The following RB1 variants were observed in gnomAD, a reference collection of about 807,000 sequenced individuals.
RB1 encodes the protein RB transcriptional corepressor 1.
RB1 carries 18 observed loss-of-function variants against 135.4 expected under a neutral mutation model. The ratio of observed to expected loss-of-function variants is 0.13; its 90% CI spans 0.09 to 0.20. The LOEUF (loss-of-function observed/expected upper bound fraction) is 0.20. Among genes scored for constraint, RB1 ranks in the 10% least tolerant of loss-of-function variants. The pLI is 1.00. For missense variants in RB1, 868 were observed against 1,110.0 expected (o/e 0.78, Z 3.10); for synonymous variants, 365 against 373.2 (o/e 0.98, Z 0.25).
intron 23 of RB1, among the ~76,000 whole-genome samples, chr13:48,465,598 C>A (rs1488430223): frequency 2.0e-5 from 3 of 152,070 alleles, no homozygotes; most frequent in African/African-American, 7.2e-5. Context: ...CAGCTCCCAG[C>A]GTGAGCGACG....
At chr13:48,392,039 G>A (rs1011469873) in intron 17 of RB1, among the ~76,000 whole-genome samples, 9 of 152,120 alleles carry the variant, frequency 5.9e-5, no homozygotes, top group Non-Finnish European at 1.3e-4. Flanking sequence ...TGAATTCTAG[G>A]TTGACAGTCT....
chr13:48,337,713 C>G lies in RB1; in HGVS notation c.265-4886C>G, dbSNP rs1158679898. Among the ~76,000 whole-genome samples the G allele has an allele frequency of 3.3e-5, 5 of 152,160 alleles. No individual in the cohort carries two copies. In the East Asian group the frequency reaches 9.6e-4, roughly 29 times the overall value. ...TAATATTGTTATGTGTGAATTTGAT[C>G]CTGTCATTATGATGTTAGCTGGTGA... On this transcript the variant is annotated intron_variant, in intron 2 of 26. Coordinates refer to ENST00000267163, the MANE Select transcript of RB1 (RefSeq NM_000321.3).
intron 1 of RB1, among the ~76,000 whole-genome samples, chr13:48,305,337 A>G (rs1340757179): frequency 2.6e-5 from 4 of 152,252 alleles, no homozygotes; most frequent in African/African-American, 9.6e-5. Flanking sequence ...AGGTCAGTTA[A>G]AAACCATATT....
chr13:48,382,298 G>GT (rs1471899758), intron 17 of RB1, among the ~76,000 whole-genome samples: 4 of 151,282 alleles, frequency 2.6e-5, no homozygotes, highest in African/African-American at 9.7e-5. Flanking sequence ...TGTTGAACTA[G>GT]TTTACAGTCC....
chr13:48,461,518 G>A (rs751422441), intron 20 of RB1, among the ~76,000 whole-genome samples: 1 of 152,130 alleles, frequency 6.6e-6, no homozygotes, highest in Non-Finnish European at 1.5e-5. Context: ...CCTAGGAGTA[G>A]AATTGCTAGG....
At chr13:48,464,341 T>G (rs992028911) in intron 21 of RB1, among the ~76,000 whole-genome samples, 1 of 152,168 alleles carries the variant, frequency 6.6e-6, no homozygotes, top group Non-Finnish European at 1.5e-5. Context: ...TTTTCCCATT[T>G]ATTATTGGAG....
chr13:48,309,141 G>T (rs1952111036), intron 2 of RB1, among the ~76,000 whole-genome samples: 1 of 152,118 alleles, frequency 6.6e-6, no homozygotes, highest in African/African-American at 2.4e-5. Flanking sequence ...ATTAATGAAT[G>T]AATCTCTGAT....
rs548325980 is a variant in RB1 at position 48,350,516 on chromosome 13, A to C, written c.607+1493A>C. 2.0e-5 allele frequency among the ~76,000 whole-genome samples: 3 copies of C among 152,284 alleles called. No homozygotes were observed. The East Asian group carries it at 5.8e-4, about 29-fold the overall frequency. On this transcript the variant is annotated intron_variant, in intron 6 of 26. Transcript: ENST00000267163. ...AACCAAAACCTATGGGATACAGTAA[A>C]AGCAGTACAGAGGGAAGTTTATAGC... is the stretch of plus-strand genomic sequence containing the variant.
At chr13:48,441,248 C>T (rs1327221282) in intron 17 of RB1, among the ~76,000 whole-genome samples, 1 of 152,206 alleles carries the variant, frequency 6.6e-6, no homozygotes, top group East Asian at 1.9e-4. Context: ...AGGCAGCTCT[C>T]TGGGGTCCCT....
chr13:48,336,154 G>A (rs1952383290), intron 2 of RB1, among the ~76,000 whole-genome samples: 1 of 151,712 alleles, frequency 6.6e-6, no homozygotes, highest in Non-Finnish European at 1.5e-5. Context: ...CTCTTTTTTT[G>A]TTGTGTCTCT....
chr13:48,384,290 T>C (rs1021976212), intron 17 of RB1, among the ~76,000 whole-genome samples: 4 of 152,184 alleles, frequency 2.6e-5, no homozygotes, highest in Non-Finnish European at 4.4e-5. Context: ...AGTCTTATAT[T>C]ACATTTTTAA....
chr13:48,320,317 G>T, intron 2 of RB1: 2 of 1,235,690 alleles, frequency 1.6e-6, no homozygotes, highest in Non-Finnish European at 2.3e-6. Flanking sequence ...GCGCTGCAGC[G>T]TGCTGATGAG....
rs188637537 is a variant in RB1 at position 48,427,151 on chromosome 13, A to G, written c.1696-25842A>G. Among the ~76,000 whole-genome samples, 911 of 151,994 alleles carry G rather than the reference A, an allele frequency of 6.0e-3. 11 individuals are homozygous for G. Among genetic ancestry groups the G allele is most frequent in the African/African-American group, 0.021 (868 of 41,400 alleles). On this transcript the variant is annotated intron_variant, in intron 17 of 26. Coordinates refer to ENST00000267163, the MANE Select transcript of RB1 (RefSeq NM_000321.3). ...CCAAACCTCACCTCCAGCATTGGGG[A>G]GCACACTTCAACACGAGTCATCTAC...
At chr13:48,456,099 A>T in intron 18 of RB1, 105 bp from the exon 19 acceptor site, 1 of 1,545,928 alleles carries the variant, frequency 6.5e-7, no homozygotes, top group Non-Finnish European at 8.7e-7. Flanking sequence ...CTATAATACC[A>T]ATTAAATAGA....
chr13:48,317,221 C>G (rs759320536), intron 2 of RB1: 3 of 427,378 alleles, frequency 7.0e-6, no homozygotes, highest in Non-Finnish European at 8.1e-6. Flanking sequence ...GCCTGCCCCC[C>G]TGGGAGACAC....
intron 17 of RB1, among the ~76,000 whole-genome samples, chr13:48,414,342 C>CAA (rs199626771): frequency 3.2e-5 from 3 of 93,108 alleles, no homozygotes; most frequent in Non-Finnish European, 7.0e-5. Context: ...GAGACTATCT[C>CAA]AAAAAAAAAA....
At position 48,464,983 on chromosome 13, in the gene RB1, A is replaced by ATT; in HGVS notation, c.2212-15_2212-14insTT. On this transcript the variant is annotated splice_polypyrimidine_tract_variant and intron_variant, in intron 21 of 26. Transcript: ENST00000267163. ...CTTTTTTTTTTTTTTTTTTTTTTTTACTGTTCTTCCTCAGACATTCAAACG... is the reference window on the plus strand; with the variant it reads ...CTTTTTTTTTTTTTTTTTTTTTTTTATTCTGTTCTTCCTCAGACATTCAAACG... 4 of 699,278 alleles carry ATT rather than the reference A, an allele frequency of 5.7e-6. No homozygotes were observed. The highest frequency in any genetic ancestry group is 4.1e-5 in the South Asian group (1 of 24,572). 43.3% of individuals were successfully genotyped at this position (699,278 alleles called of 1,614,324 possible).
rs1018749575 is a variant in RB1, at chr13:48,386,866, T to C, written c.1695+5423T>C. ...GACCAAATACATCGTTATAAAATCA[T>C]TCACGGGTAAGATATTCATTAAAAG... is the stretch of plus-strand genomic sequence containing the variant. On this transcript the variant is annotated intron_variant, in intron 17 of 26. Transcript: ENST00000267163. 1.8e-4 allele frequency among the ~76,000 whole-genome samples: 27 copies of C among 152,314 alleles called. 1 individual carries two copies. Among genetic ancestry groups the C allele is most frequent in the Admixed American group, 5.9e-4 (9 of 15,280 alleles).
chr13:48,303,939 GGCCGCCACC>G lies in RB1; in HGVS notation c.34_42del (p.Thr12_Ala14del), dbSNP rs759465865. 1.7e-5 allele frequency: 25 copies of G among 1,509,748 alleles called. No homozygotes were observed. The South Asian group carries it at 1.7e-4, about 10-fold the overall frequency. The allele number at this position is 1,509,748 out of a possible 1,614,324, so 93.5% of individuals were successfully genotyped here. ...TGCCGCCCAAAACCCCCCGAAAAAC[GGCCGCCACC>G]GCCGCCGCTGCCGCCGCGGAACCCC... On this transcript the variant is annotated inframe_deletion, in exon 1 of 27. Coordinates refer to ENST00000267163, the MANE Select transcript of RB1 (RefSeq NM_000321.3).
Sources: allele counts gnomAD v4.1 joint callset (sites outside exome capture counted in the v4.1 genomes callset), GRCh38; gene constraint gnomAD v4.1.1; transcripts MANE v1.5; gene names NCBI Gene and HGNC (gene_info 2026-07-23, HGNC 2026-07-21).